The following ADCY9 variants were observed in gnomAD, a reference collection of about 807,000 sequenced individuals.
ADCY9 encodes the protein adenylate cyclase type 9.
In ADCY9, 50 loss-of-function variants were observed where a neutral mutation model predicts 101.5. That is an observed-to-expected ratio of 0.49 (90% CI 0.39 to 0.62). The LOEUF (loss-of-function observed/expected upper bound fraction) is 0.62, where lower values mean the gene tolerates loss of function less well. ADCY9 is among the 20% of genes least tolerant of loss of function. The pLI is 0.00. For missense variants in ADCY9, 1,662 were observed against 1,800.4 expected, an observed-to-expected ratio of 0.92 and a Z score of 1.39; for synonymous variants, 905 against 769.3, an observed-to-expected ratio of 1.18 and a Z score of -2.92.
chr16:4,100,941 G>A (rs917131136), intron 2 of ADCY9, among the ~76,000 whole-genome samples: 4 of 152,128 alleles, frequency 2.6e-5, no homozygotes, highest in East Asian at 1.9e-4. Flanking sequence ...GACAGGTATC[G>A]TTGTTTTGGC....
chr16:4,035,773 C>T (rs923539833), intron 2 of ADCY9, among the ~76,000 whole-genome samples: 5 of 151,960 alleles, frequency 3.3e-5, no homozygotes, highest in Non-Finnish European at 7.4e-5. Flanking sequence ...CCGAGGCAGG[C>T]GGATCACCTG....
intron 2 of ADCY9, among the ~76,000 whole-genome samples, chr16:4,023,028 C>G (rs1002169555): frequency 1.3e-5 from 2 of 152,186 alleles, no homozygotes; most frequent in African/African-American, 2.4e-5. Flanking sequence ...CAAATCACAT[C>G]TCTACAACGG....
Position 3,964,418 on chromosome 16 carries a change from C to T in ADCY9, c.*1357G>A, listed in dbSNP as rs767559508. 6.6e-6 allele frequency: 1 copy of T among 152,352 alleles called. No homozygotes were observed. Among genetic ancestry groups the T allele is most frequent in the Admixed American group, 6.5e-5 (1 of 15,290 alleles). The allele number at this position is 152,352 out of a possible 1,614,324, so 9.4% of individuals were successfully genotyped here. On this transcript the variant is annotated 3_prime_UTR_variant, in exon 11 of 11. Transcript: ENST00000294016. ...CCCTCGGGATTCCGCCCCTAACAAACCCCGCGTTTGCATCCAGATGCCTCT... is the reference window on the plus strand; with the variant it reads ...CCCTCGGGATTCCGCCCCTAACAAATCCCGCGTTTGCATCCAGATGCCTCT...
intron 5 of ADCY9, among the ~76,000 whole-genome samples, chr16:3,990,535 G>A (rs542035216): frequency 4.6e-5 from 7 of 151,728 alleles, no homozygotes; most frequent in African/African-American, 1.7e-4. Context: ...CACAAAGTAC[G>A]GCTCATCACG....
intron 2 of ADCY9, among the ~76,000 whole-genome samples, chr16:4,009,025 C>G (rs1342516418): frequency 6.6e-6 from 1 of 152,172 alleles, no homozygotes; most frequent in Non-Finnish European, 1.5e-5. Context: ...GGGACTACTT[C>G]ATCAATAATC....
intron 2 of ADCY9, among the ~76,000 whole-genome samples, chr16:4,081,204 C>T (rs866397735): frequency 6.6e-6 from 1 of 152,144 alleles, no homozygotes; most frequent in African/African-American, 2.4e-5. Context: ...CATCTGCTCT[C>T]GTGGAACACA....
chr16:3,983,702 G>A (rs2056166213), intron 6 of ADCY9: 1 of 499,558 alleles, frequency 2.0e-6, no homozygotes, highest in Non-Finnish European at 3.6e-6. Flanking sequence ...GCTGACGTAG[G>A]AGGGTCGCTG....
intron 2 of ADCY9, among the ~76,000 whole-genome samples, chr16:4,098,675 G>T (rs1341591696): frequency 3.3e-5 from 5 of 152,112 alleles, no homozygotes; most frequent in Non-Finnish European, 5.9e-5. Flanking sequence ...ACATTCCAGT[G>T]GCGTGGAAAC....
chr16:4,050,773 G>GT (rs1018761072), intron 2 of ADCY9, among the ~76,000 whole-genome samples: 4 of 149,476 alleles, frequency 2.7e-5, no homozygotes, highest in Non-Finnish European at 4.4e-5. Context: ...CCTTGTAGCC[G>GT]TAATAGCCCA....
chr16:4,072,298 G>A (rs1597208324), intron 2 of ADCY9, among the ~76,000 whole-genome samples: 1 of 152,218 alleles, frequency 6.6e-6, no homozygotes, highest in Non-Finnish European at 1.5e-5. Context: ...ATGCTACTCC[G>A]CCATGTGGCT....
At chr16:3,974,135 G>T (rs565210712) in intron 10 of ADCY9, among the ~76,000 whole-genome samples, 1 of 152,110 alleles carries the variant, frequency 6.6e-6, no homozygotes, top group African/African-American at 2.4e-5. Flanking sequence ...TCCGCCTCCC[G>T]GGTTCACGCC....
At chr16:4,011,014 A>G (rs1316984344) in intron 2 of ADCY9, among the ~76,000 whole-genome samples, 1 of 152,044 alleles carries the variant, frequency 6.6e-6, no homozygotes, top group East Asian at 1.9e-4. Flanking sequence ...GAGGACAGAA[A>G]TTTCCGTGCT....
rs767999499 is a variant in ADCY9 at position 3,993,330 on chromosome 16, G to A, written c.1989+76C>T. Reference sequence around the variant, plus strand: ...GAGTTACTCTCAGAACTAAGAAGTCGACAAGACAGGAATGTCACCTTGGGT... The same window carrying A: ...GAGTTACTCTCAGAACTAAGAAGTCAACAAGACAGGAATGTCACCTTGGGT... On this transcript the variant is annotated intron_variant, in intron 4 of 10. Transcript: ENST00000294016. 8 of 1,586,018 alleles carry A rather than the reference G, an allele frequency of 5.0e-6. No individual in the cohort carries two copies. In the African/African-American group the frequency reaches 5.4e-5, roughly 11 times the overall value.
At chr16:4,085,959 TA>T (rs534327496) in intron 2 of ADCY9, among the ~76,000 whole-genome samples, 145 of 147,310 alleles carry the variant, frequency 9.8e-4, no homozygotes, top group African/African-American at 3.3e-3. Context: ...GCATAATTAT[TA>T]AAAAAAAAAC....
intron 2 of ADCY9, among the ~76,000 whole-genome samples, chr16:4,061,999 T>G (rs1447500344): frequency 1.3e-5 from 2 of 152,178 alleles, no homozygotes; most frequent in African/African-American, 4.8e-5. Context: ...TATATTTTAT[T>G]GAAAATGAAT....
At chr16:4,095,157 A>G (rs1181760051) in intron 2 of ADCY9, among the ~76,000 whole-genome samples, 1 of 148,514 alleles carries the variant, frequency 6.7e-6, no homozygotes, top group Non-Finnish European at 1.5e-5. Flanking sequence ...GCGCACCACC[A>G]TGCCCGGCTA....
At chr16:4,047,002 C>G (rs1192231441) in intron 2 of ADCY9, among the ~76,000 whole-genome samples, 2 of 150,852 alleles carry the variant, frequency 1.3e-5, no homozygotes, top group East Asian at 1.9e-4. Context: ...AGAGCAAGAC[C>G]CAATCTAAAA....
At position 4,058,107 on chromosome 16, in the gene ADCY9, C is replaced by T. The variant is rs955173616; in HGVS notation, c.1694-50549G>A. Among the ~76,000 whole-genome samples, 76 of 150,300 alleles carry T rather than the reference C, an allele frequency of 5.1e-4. 2 individuals carry two copies. Among genetic ancestry groups the T allele is most frequent in the Non-Finnish European group, 9.9e-4 (67 of 67,704 alleles). Reference sequence around the variant, plus strand: ...CCAGGAGGTGGAGGTTGCAGTGAGCCGAGATCATGCCACTGCACTCCAGCC... The same window carrying T: ...CCAGGAGGTGGAGGTTGCAGTGAGCTGAGATCATGCCACTGCACTCCAGCC... On this transcript the variant is annotated intron_variant, in intron 2 of 10. Coordinates refer to ENST00000294016, the MANE Select transcript of ADCY9 (RefSeq NM_001116.4).
At chr16:4,097,453 C>CAT (rs71394653) in intron 2 of ADCY9, among the ~76,000 whole-genome samples, 2,386 of 70,768 alleles carry the variant, frequency 0.034, 65 homozygotes, top group Middle Eastern at 0.076. Flanking sequence ...TGTGGAGTTA[C>CAT]ATATATATAT....
Sources: allele counts gnomAD v4.1 joint callset (sites outside exome capture counted in the v4.1 genomes callset), GRCh38; gene constraint gnomAD v4.1.1; transcripts MANE v1.5; gene names NCBI Gene and HGNC (gene_info 2026-07-23, HGNC 2026-07-21).